Variants in PTPRS observed in about 807,000 individuals in gnomAD.
The protein encoded by PTPRS is receptor-type tyrosine-protein phosphatase S.
Under a neutral mutation model 215.3 loss-of-function variants are expected in PTPRS, and 63 were observed. That is an observed-to-expected ratio of 0.29 (90% CI 0.24 to 0.36). The LOEUF (loss-of-function observed/expected upper bound fraction) is 0.36, where lower values mean the gene tolerates loss of function less well. Ranked by LOEUF, PTPRS falls within the 10% of genes least tolerant of loss-of-function variation. The pLI is 1.00. For missense variants in PTPRS, 2,258 were observed against 2,825.8 expected (o/e 0.80, Z 4.56); for synonymous variants, 1,404 against 1,191.4 (o/e 1.18, Z -3.68).
chr19:5,220,371 A>C lies in PTPRS; in HGVS notation c.3456-18T>G. On this transcript the variant is annotated intron_variant, in intron 20 of 37. Coordinates refer to ENST00000262963, the MANE Select transcript of PTPRS (RefSeq NM_002850.4). ...AATAGCTCCTGTAGGGAGATGGGAA[A>C]GAGTCAGAGGGGCTGTCGATAGGGA... 6.2e-7 allele frequency: 1 copy of C among 1,603,804 alleles called. No homozygotes were observed. Among genetic ancestry groups the C allele is most frequent in the Non-Finnish European group, 8.5e-7 (1 of 1,171,918 alleles).
At position 5,286,252 on chromosome 19, in the gene PTPRS, G is replaced by C; in HGVS notation, c.-94-18C>G. ...GGCAACGTCTGCAGAGACAATGGAG[G>C]GCTGTGAGAGGCGAGTGGGGAAATC... On this transcript the variant is annotated intron_variant, in intron 1 of 37. Transcript: ENST00000262963. The C allele has an allele frequency of 3.4e-6, 4 of 1,162,012 alleles. No homozygotes were observed. The highest frequency in any genetic ancestry group is 3.7e-6 in the Non-Finnish European group (3 of 800,762). 72.0% of individuals were successfully genotyped at this position (1,162,012 alleles called of 1,614,324 possible).
chr19:5,304,953 A>AG (rs141084164), intron 1 of PTPRS, among the ~76,000 whole-genome samples: 5,371 of 40,608 alleles, frequency 0.13, 354 homozygotes, highest in African/African-American at 0.33. Flanking sequence ...GGGGCTGGTG[A>AG]GGGGGGGTGG....
At chr19:5,331,028 G>A (rs887439506) in intron 1 of PTPRS, among the ~76,000 whole-genome samples, 4 of 151,568 alleles carry the variant, frequency 2.6e-5, no homozygotes, top group Admixed American at 6.6e-5. Flanking sequence ...CCCGCGAGAC[G>A]TCAGGGAGCG....
Position 5,340,744 on chromosome 19 carries a change from G to C in PTPRS, c.-175C>G, listed in dbSNP as rs1258322847. 6.7e-6 allele frequency: 1 copy of C among 149,440 alleles called. No individual in the cohort carries two copies. Among genetic ancestry groups the C allele is most frequent in the Non-Finnish European group, 1.5e-5 (1 of 67,388 alleles). The allele number at this position is 149,440 out of a possible 1,614,324, so 9.3% of individuals were successfully genotyped here. Reference sequence around the variant, plus strand: ...GTTGCATGGGATCCGAGCGGAGCCCGAGCGCCAGCGGCTCGCGGCGTGCGC... The same window carrying C: ...GTTGCATGGGATCCGAGCGGAGCCCCAGCGCCAGCGGCTCGCGGCGTGCGC... On this transcript the variant is annotated 5_prime_UTR_variant, in exon 1 of 38. Coordinates refer to ENST00000262963, the MANE Select transcript of PTPRS (RefSeq NM_002850.4).
At chr19:5,332,331 T>A (rs1437658209) in intron 1 of PTPRS, among the ~76,000 whole-genome samples, 1 of 152,198 alleles carries the variant, frequency 6.6e-6, no homozygotes, top group Non-Finnish European at 1.5e-5. Flanking sequence ...TTTCACCATG[T>A]TGGCCAGGCT....
chr19:5,246,616 G>A (rs1217366034), intron 9 of PTPRS, among the ~76,000 whole-genome samples: 1 of 152,186 alleles, frequency 6.6e-6, no homozygotes, highest in African/African-American at 2.4e-5. Context: ...AACCCTCCCT[G>A]GTTCTCTGGG....
chr19:5,224,264 G>T (rs1162566030), intron 17 of PTPRS, among the ~76,000 whole-genome samples: 1 of 152,210 alleles, frequency 6.6e-6, no homozygotes, highest in African/African-American at 2.4e-5. Context: ...GAAGATCTGG[G>T]GGAATCGTGC....
rs911864999 is a variant in PTPRS at position 5,210,880 on chromosome 19, G to A, written c.5235-75C>T. The A allele has an allele frequency of 1.2e-5, 18 of 1,546,726 alleles. No homozygotes were observed. Among genetic ancestry groups the A allele is most frequent in the Non-Finnish European group, 1.4e-5 (16 of 1,150,422 alleles). On this transcript the variant is annotated intron_variant, in intron 33 of 37. Transcript: ENST00000262963. This position sits in a 1 kb window ranked among gnomAD's most constrained non-coding sequence, Gnocchi z 4.5. ...GGTACTCACCTGATGCTGCCCGGGA[G>A]GGTCAGGACCAAGCCAGTGACAGCT...
chr19:5,336,843 T>C (rs983011574), intron 1 of PTPRS, among the ~76,000 whole-genome samples: 16 of 152,140 alleles, frequency 1.1e-4, no homozygotes. Flanking sequence ...TTCCCCTCCC[T>C]GGGCATCTTT....
At position 5,245,980 on chromosome 19, in the gene PTPRS, C is replaced by T; in HGVS notation, c.784G>A (p.Val262Met). The T allele has an allele frequency of 3.7e-6, 6 of 1,602,128 alleles. No individual in the cohort carries two copies. Among genetic ancestry groups the T allele is most frequent in the Middle Eastern group, 1.7e-4 (1 of 6,034 alleles). The change falls in exon 10 of 38, where the codon GTG (valine) becomes ATG (methionine). Residue 262 changes from valine to methionine, a missense_variant. Val to Met is a conservative substitution (Grantham distance 21). Transcript: ENST00000262963. ...CCCACGGCCACGCAGGTGATGTTCA[C>T]GTTGCCCCCTGGCATGATCTCGTGG... ...MSHEIMPGGN[V>M]NITCVAVGSP...
At chr19:5,278,123 G>C (rs911990703) in intron 2 of PTPRS, 15 of 457,344 alleles carry the variant, frequency 3.3e-5, no homozygotes, top group Non-Finnish European at 4.5e-5. Flanking sequence ...GCTGCGCAGT[G>C]AAGAAAATGA....
At chr19:5,312,115 G>A (rs571897378) in intron 1 of PTPRS, among the ~76,000 whole-genome samples, 8 of 152,126 alleles carry the variant, frequency 5.3e-5, no homozygotes, top group East Asian at 3.9e-4. Flanking sequence ...GTGTGTGAAC[G>A]AGCCCTGCAA....
intron 6 of PTPRS, 48 bp from the exon 7 acceptor site, chr19:5,260,870 T>C (rs201113577): frequency 2.1e-6 from 3 of 1,457,746 alleles, no homozygotes; most frequent in Non-Finnish European, 2.7e-6. Context: ...AGGCGGTTGT[T>C]GGGGGGCCGG....
chr19:5,269,512 A>C (rs573487591), intron 4 of PTPRS, among the ~76,000 whole-genome samples: 2 of 152,196 alleles, frequency 1.3e-5, no homozygotes, highest in African/African-American at 4.8e-5. Flanking sequence ...CCCGGAGCTC[A>C]GGGCTGGTGG....
chr19:5,213,815 A>G (rs2145113088), intron 30 of PTPRS, among the ~76,000 whole-genome samples: 1 of 152,332 alleles, frequency 6.6e-6, no homozygotes, highest in Middle Eastern at 3.4e-3. Flanking sequence ...CCCCATCATG[A>G]CAATAACAAA....
chr19:5,261,839 C>A (rs2046017916), intron 6 of PTPRS, among the ~76,000 whole-genome samples: 1 of 152,200 alleles, frequency 6.6e-6, no homozygotes, highest in Admixed American at 6.5e-5. Context: ...TCTCGTGAGG[C>A]CACTCTGCAC....
chr19:5,235,316 C>A (rs1252886346), intron 13 of PTPRS, among the ~76,000 whole-genome samples: 1 of 152,002 alleles, frequency 6.6e-6, no homozygotes, highest in Non-Finnish European at 1.5e-5. Context: ...TGTAACAGCA[C>A]CTGGCACCGT....
intron 13 of PTPRS, 107 bp from the exon 14 acceptor site, chr19:5,231,722 A>C: frequency 1.8e-6 from 1 of 558,762 alleles, no homozygotes; most frequent in East Asian, 3.1e-5. Context: ...AAAGAAGATG[A>C]TAACAAACAA....
At position 5,264,990 on chromosome 19, in the gene PTPRS, T is replaced by C. The variant is rs1210151904; in HGVS notation, c.568+18A>G. ...TGCCCTCCAAGGCTCCCACGTCCTG[T>C]CAGCCACCCTCACTCACCTGATCGC... On this transcript the variant is annotated intron_variant, in intron 5 of 37. Coordinates refer to ENST00000262963, the MANE Select transcript of PTPRS (RefSeq NM_002850.4). The C allele has an allele frequency of 3.7e-6, 6 of 1,612,824 alleles. No homozygotes were observed. In the Admixed American group the frequency reaches 1.0e-4, roughly 27 times the overall value.
Sources: allele counts gnomAD v4.1 joint callset (sites outside exome capture counted in the v4.1 genomes callset), GRCh38; gene constraint gnomAD v4.1.1; non-coding constraint Gnocchi (gnomAD v3.1); transcripts MANE v1.5; gene names NCBI Gene and HGNC (gene_info 2026-07-23, HGNC 2026-07-21).